The following PRKG1 variants were observed in gnomAD, a reference collection of about 807,000 sequenced individuals.
The protein encoded by PRKG1 is protein kinase cGMP-dependent 1, also known as cGMP-dependent protein kinase 1.
In PRKG1, 35 loss-of-function variants were observed where a neutral mutation model predicts 88.1. That is an observed-to-expected ratio of 0.40 (90% confidence interval 0.30 to 0.53). The LOEUF (loss-of-function observed/expected upper bound fraction) is 0.53, where lower values mean the gene tolerates loss of function less well. Among genes scored for constraint, PRKG1 ranks in the 20% least tolerant of loss-of-function variants. The pLI, the probability that PRKG1 is intolerant of heterozygous loss-of-function variation, is 0.59. For missense variants in PRKG1, 540 were observed against 839.8 expected, an observed-to-expected ratio of 0.64 and a Z score of 4.41; for synonymous variants, 303 against 292.5, an observed-to-expected ratio of 1.04 and a Z score of -0.37.
chr10:51,443,014 C>G (rs1839167002), intron 2 of PRKG1, among the ~76,000 whole-genome samples: 1 of 151,974 alleles, frequency 6.6e-6, no homozygotes, highest in Non-Finnish European at 1.5e-5. Context: ...TTGGTCAAAG[C>G]CGTTGTAGTG....
intron 4 of PRKG1, among the ~76,000 whole-genome samples, chr10:51,806,487 G>A (rs1641682185): frequency 6.6e-6 from 1 of 152,292 alleles, no homozygotes; most frequent in South Asian, 2.1e-4. Flanking sequence ...TCAGAATAGA[G>A]CTGGCAGAGT....
chr10:51,301,501 G>A (rs1221376985), intron 2 of PRKG1, among the ~76,000 whole-genome samples: 1 of 152,112 alleles, frequency 6.6e-6, no homozygotes, highest in East Asian at 1.9e-4. Context: ...AGCCTTGAGT[G>A]AGCCACTTCA....
chr10:52,232,315 CA>C (rs946143132), intron 9 of PRKG1, among the ~76,000 whole-genome samples: 1 of 149,272 alleles, frequency 6.7e-6, no homozygotes, highest in East Asian at 2.0e-4. Context: ...AGAAAACAAA[CA>C]AAAAAACAAA....
intron 3 of PRKG1, among the ~76,000 whole-genome samples, chr10:51,670,945 A>T (rs1046708303): frequency 6.6e-6 from 1 of 151,850 alleles, no homozygotes; most frequent in Non-Finnish European, 1.5e-5. Context: ...TTTTACTTCC[A>T]AATTGGGCAG....
chr10:52,216,332 G>C (rs1408007983), intron 9 of PRKG1, among the ~76,000 whole-genome samples: 1 of 152,156 alleles, frequency 6.6e-6, no homozygotes, highest in Non-Finnish European at 1.5e-5. Flanking sequence ...CAGTCAACAG[G>C]CTCCTGGGCT....
intron 2 of PRKG1, among the ~76,000 whole-genome samples, chr10:51,293,393 C>T (rs562536854): frequency 6.6e-6 from 1 of 152,214 alleles, no homozygotes; most frequent in East Asian, 1.9e-4. Flanking sequence ...TTAACCAGCT[C>T]CTGGCAACCA....
At chr10:51,553,233 A>G (rs949587745) in intron 3 of PRKG1, among the ~76,000 whole-genome samples, 2 of 151,726 alleles carry the variant, frequency 1.3e-5, no homozygotes, top group Non-Finnish European at 3.0e-5. Context: ...AGCAATAATG[A>G]ATGATAAAAG....
chr10:51,783,390 T>C (rs1213060822), intron 3 of PRKG1, among the ~76,000 whole-genome samples: 1 of 152,098 alleles, frequency 6.6e-6, no homozygotes, highest in East Asian at 1.9e-4. Context: ...GCAATTCTCC[T>C]ACCTCAGCCT....
intron 2 of PRKG1, among the ~76,000 whole-genome samples, chr10:51,304,328 A>G (rs1399969230): frequency 6.6e-6 from 1 of 152,196 alleles, no homozygotes; most frequent in African/African-American, 2.4e-5. Flanking sequence ...TGAAAACATT[A>G]CATAGAATCA....
At chr10:51,037,898 G>T (rs1843371753) in intron 1 of PRKG1, among the ~76,000 whole-genome samples, 2 of 152,106 alleles carry the variant, frequency 1.3e-5, no homozygotes, top group African/African-American at 4.8e-5. Flanking sequence ...AAATTTAGTA[G>T]GAGTGTCCTT....
chr10:51,233,648 T>C lies in PRKG1; in HGVS notation c.478+80318T>C, dbSNP rs374200287. On this transcript the variant is annotated intron_variant, in intron 2 of 17. Coordinates refer to ENST00000373980, the MANE Select transcript of PRKG1 (RefSeq NM_006258.4). ...CAACTAGAAAGGGGATAAATGAAAC[T>C]CATTACCTCAGTGTATGGCTTAGGA... is the stretch of plus-strand genomic sequence containing the variant. Among the ~76,000 whole-genome samples the C allele has an allele frequency of 4.8e-4, 73 of 152,280 alleles. No individual in the cohort carries two copies. In the South Asian group the frequency reaches 0.014, roughly 29 times the overall value.
At chr10:51,734,131 A>C (rs1241491729) in intron 3 of PRKG1, among the ~76,000 whole-genome samples, 3 of 152,146 alleles carry the variant, frequency 2.0e-5, no homozygotes, top group African/African-American at 7.2e-5. Flanking sequence ...AAAATTACCA[A>C]TATTTTCCTT....
chr10:50,998,670 C>A (rs1273669434), intron 1 of PRKG1, among the ~76,000 whole-genome samples: 1 of 152,134 alleles, frequency 6.6e-6, no homozygotes, highest in Non-Finnish European at 1.5e-5. Flanking sequence ...ATCGCTTGAA[C>A]CTGGGAGGCA....
intron 6 of PRKG1, among the ~76,000 whole-genome samples, chr10:52,057,517 T>C (rs770050580): frequency 1.3e-5 from 2 of 152,188 alleles, no homozygotes; most frequent in Non-Finnish European, 2.9e-5. Flanking sequence ...TGTCACATCA[T>C]AAAATGAACT....
Position 52,234,220 on chromosome 10 carries a change from CAG to C in PRKG1, c.1077-17348_1077-17347del, listed in dbSNP as rs1443081131. The stretch of plus-strand genomic sequence containing the variant: ...AAAACCACAAAGATGGGGAAAAAAA[CAG>C]AACAGAAAAACTGGAAACTCTAAAA... On this transcript the variant is annotated intron_variant, in intron 9 of 17. Coordinates refer to ENST00000373980, the MANE Select transcript of PRKG1 (RefSeq NM_006258.4). Among the ~76,000 whole-genome samples the C allele has an allele frequency of 1.3e-3, 196 of 152,260 alleles. 3 individuals are homozygous for C. The highest frequency in any genetic ancestry group is 1.0e-4 in the Non-Finnish European group (7 of 68,014).
At chr10:52,192,405 A>G (rs1323739669) in intron 9 of PRKG1, among the ~76,000 whole-genome samples, 2 of 152,172 alleles carry the variant, frequency 1.3e-5, no homozygotes, top group Non-Finnish European at 2.9e-5. Context: ...GAAGAAGTTC[A>G]GATAATAATT....
intron 2 of PRKG1, among the ~76,000 whole-genome samples, chr10:51,447,136 A>C (rs529292854): frequency 6.6e-6 from 1 of 152,188 alleles, no homozygotes; most frequent in East Asian, 1.9e-4. Context: ...ACCTTTCTGC[A>C]AAGTCTGTAA....
At chr10:51,616,132 G>A (rs1001362898) in intron 3 of PRKG1, among the ~76,000 whole-genome samples, 9 of 152,180 alleles carry the variant, frequency 5.9e-5, no homozygotes, top group African/African-American at 2.2e-4. Context: ...TATTATTGGA[G>A]GCTGTGGTAA....
At chr10:51,021,328 T>C (rs1311518304) in intron 1 of PRKG1, among the ~76,000 whole-genome samples, 2 of 152,202 alleles carry the variant, frequency 1.3e-5, no homozygotes, top group Non-Finnish European at 2.9e-5. Context: ...AAGGTCCTAA[T>C]GACAAACCAT....
Sources: gnomAD v4.1 joint callset for allele counts (sites outside exome capture counted in the v4.1 genomes callset) on GRCh38, gnomAD v4.1.1 for gene constraint, MANE v1.5 for transcripts, NCBI Gene and HGNC (gene_info 2026-07-23, HGNC 2026-07-21) for gene names.